NALF1: variants seen among roughly 807,000 people sequenced by gnomAD.
NALF1 encodes the protein family with sequence similarity 155 member A.
In NALF1, 3 loss-of-function variants were observed where a neutral mutation model predicts 48.4. The observed-to-expected ratio is 0.06, with a 90% CI of 0.03 to 0.16. The LOEUF is 0.16. Ranked by LOEUF, NALF1 falls within the 10% of genes least tolerant of loss-of-function variation. The probability of loss-of-function intolerance (pLI) is 1.00; values close to 1 mark genes in which losing one functional copy is unlikely to be tolerated. For missense variants in NALF1, 526 were observed against 571.5 expected (o/e 0.92, Z 0.81); for synonymous variants, 262 against 245.7 (o/e 1.07, Z -0.62).
chr13:107,518,225 G>C (rs1308384678), intron 1 of NALF1, among the ~76,000 whole-genome samples: 1 of 152,098 alleles, frequency 6.6e-6, no homozygotes, highest in Non-Finnish European at 1.5e-5. Flanking sequence ...AGAAAGAAGA[G>C]GAAAGAGGAC....
At chr13:107,330,189 T>C (rs1316242639) in intron 1 of NALF1, among the ~76,000 whole-genome samples, 2 of 152,136 alleles carry the variant, frequency 1.3e-5, no homozygotes, top group Admixed American at 1.3e-4. Context: ...GGAACACTTG[T>C]GGTATAAATT....
chr13:107,733,621 G>A (rs1876378228), intron 1 of NALF1, among the ~76,000 whole-genome samples: 1 of 152,048 alleles, frequency 6.6e-6, no homozygotes, highest in Non-Finnish European at 1.5e-5. Context: ...TAGTATTAGT[G>A]TAAAATAAGG....
In NALF1 at chr13:107,362,236, T is replaced by G. The variant is rs780760498; in HGVS notation, c.916-151481A>C. Among the ~76,000 whole-genome samples, 14 of 152,196 alleles carry G rather than the reference T, an allele frequency of 9.2e-5. No homozygotes were observed. The highest frequency in any genetic ancestry group is 1.2e-4 in the African/African-American group (5 of 41,456). ...GGGGTCAGGTGACAGCTTTATGATA[T>G]TCATGTAAACAGGAAGGAATAGTTG... On this transcript the variant is annotated intron_variant, in intron 1 of 2. Transcript: ENST00000375915. The surrounding 1 kb of genome is among the most constrained non-coding windows in gnomAD (Gnocchi z 4.6).
At chr13:107,305,681 G>A (rs945290345) in intron 1 of NALF1, among the ~76,000 whole-genome samples, 14 of 152,196 alleles carry the variant, frequency 9.2e-5, no homozygotes, top group African/African-American at 3.4e-4. Context: ...AAGGAATGAA[G>A]TGGTGACACA....
At chr13:107,355,439 T>C (rs1227432023) in intron 1 of NALF1, among the ~76,000 whole-genome samples, 1 of 152,160 alleles carries the variant, frequency 6.6e-6, no homozygotes, top group East Asian at 1.9e-4. Flanking sequence ...AAGTATTTAT[T>C]CTTGAAATTT....
intron 1 of NALF1, among the ~76,000 whole-genome samples, chr13:107,762,467 A>G (rs1877290587): frequency 6.6e-6 from 1 of 152,136 alleles, no homozygotes; most frequent in South Asian, 2.1e-4. Context: ...AAATAATCAC[A>G]CAAGGGGTCA....
intron 1 of NALF1, among the ~76,000 whole-genome samples, chr13:107,794,645 T>TA (rs148097322): frequency 0.16 from 22,510 of 142,548 alleles, 2,018 homozygotes; most frequent in Admixed American, 0.27. Context: ...ATAATTGAGT[T>TA]AAAAAAAAAA....
In NALF1 at chr13:107,272,195, A is replaced by ATT. The variant is rs776753457; in HGVS notation, c.916-61442_916-61441dup. Among the ~76,000 whole-genome samples, 8 of 22,536 alleles carry ATT rather than the reference A, an allele frequency of 3.5e-4. 1 individual carries two copies. The highest frequency in any genetic ancestry group is 7.7e-4 in the African/African-American group (8 of 10,384). 14.8% of individuals were successfully genotyped at this position (22,536 alleles called of 152,430 possible). On this transcript the variant is annotated intron_variant, in intron 1 of 2. Transcript: ENST00000375915. ...GCTGACAAAATAAGCAGACCTTAGA[A>ATT]TTTTTTTTTTTTTTTTTTTTTTTTT...
intron 1 of NALF1, among the ~76,000 whole-genome samples, chr13:107,390,048 G>C (rs1445341431): frequency 1.3e-5 from 2 of 151,984 alleles, no homozygotes; most frequent in East Asian, 3.9e-4. Flanking sequence ...TTAATGGTTG[G>C]CCCACTTTAG....
intron 1 of NALF1, among the ~76,000 whole-genome samples, chr13:107,661,809 T>C (rs1291592363): frequency 6.6e-6 from 1 of 152,190 alleles, no homozygotes; most frequent in Non-Finnish European, 1.5e-5. Flanking sequence ...ACACTAATTT[T>C]ATACATATTT....
At chr13:107,467,369 T>G (rs1352065670) in intron 1 of NALF1, among the ~76,000 whole-genome samples, 1 of 152,236 alleles carries the variant, frequency 6.6e-6, no homozygotes, top group Non-Finnish European at 1.5e-5. Flanking sequence ...CTTAATTTTC[T>G]TAATTTGAAT....
chr13:107,181,573 T>A (rs973895373), intron 2 of NALF1, among the ~76,000 whole-genome samples: 5 of 144,504 alleles, frequency 3.5e-5, no homozygotes, highest in Admixed American at 2.0e-4. Context: ...CTTTAGAAAG[T>A]TTTTTTTTCA....
At chr13:107,739,326 A>T (rs1014970192) in intron 1 of NALF1, among the ~76,000 whole-genome samples, 5 of 149,974 alleles carry the variant, frequency 3.3e-5, no homozygotes, top group Non-Finnish European at 7.4e-5. Context: ...AAAGCAAAAT[A>T]AAAATATATA....
At chr13:107,191,568 T>C (rs1421427611) in intron 2 of NALF1, among the ~76,000 whole-genome samples, 2 of 152,202 alleles carry the variant, frequency 1.3e-5, no homozygotes, top group East Asian at 3.8e-4. Context: ...GAAGCTGATA[T>C]GTTAGAAGCC....
intron 1 of NALF1, among the ~76,000 whole-genome samples, chr13:107,570,013 T>C (rs1003421396): frequency 2.0e-5 from 3 of 152,200 alleles, no homozygotes; most frequent in Non-Finnish European, 2.9e-5. Context: ...CTTGATAGTA[T>C]AAAGAAATTC....
chr13:107,431,160 C>G (rs528593452), intron 1 of NALF1, among the ~76,000 whole-genome samples: 5 of 152,250 alleles, frequency 3.3e-5, no homozygotes, highest in Non-Finnish European at 7.4e-5. Context: ...ACAGTTCTGT[C>G]TGACTCCAGA....
chr13:107,300,679 T>C (rs1244209237), intron 1 of NALF1, among the ~76,000 whole-genome samples: 1 of 152,192 alleles, frequency 6.6e-6, no homozygotes, highest in Non-Finnish European at 1.5e-5. Context: ...CATTTCCTTA[T>C]TGATGGGTCA....
intron 1 of NALF1, among the ~76,000 whole-genome samples, chr13:107,746,606 A>G (rs1030608721): frequency 2.0e-5 from 3 of 152,214 alleles, no homozygotes; most frequent in Non-Finnish European, 4.4e-5. Flanking sequence ...ATCAAGAAAC[A>G]TCTGTATTCT....
intron 1 of NALF1, among the ~76,000 whole-genome samples, chr13:107,403,205 T>TA (rs1566327338): frequency 2.1e-5 from 3 of 144,474 alleles, no homozygotes; most frequent in African/African-American, 7.6e-5. Flanking sequence ...TTTTTTTTTT[T>TA]TTTTTTTTTT....
Sources: gnomAD v4.1 joint callset for allele counts (sites outside exome capture counted in the v4.1 genomes callset) on GRCh38, gnomAD v4.1.1 for gene constraint, Gnocchi (gnomAD v3.1) non-coding constraint, MANE v1.5 for transcripts, NCBI Gene and HGNC (gene_info 2026-07-23, HGNC 2026-07-21) for gene names.